ZRSR2: variants seen among roughly 807,000 people sequenced by gnomAD.
The protein encoded by ZRSR2 is U2 small nuclear ribonucleoprotein auxiliary factor 35 kDa subunit-related protein 2.
A neutral mutation model predicts 39.4 loss-of-function variants in ZRSR2; 3 were observed. The ratio of observed to expected loss-of-function variants is 0.08; its 90% CI spans 0.03 to 0.20. ZRSR2 has a LOEUF of 0.20. Among genes scored for constraint, ZRSR2 ranks in the 10% least tolerant of loss-of-function variants. The pLI is 1.00. For missense variants in ZRSR2, 256 were observed against 391.5 expected (o/e 0.65, Z 2.92); for synonymous variants, 137 against 136.0 (o/e 1.01, Z -0.05).
rs758004911 is a variant in ZRSR2 at position 15,822,344 on chromosome X, G to A, written c.938-387G>A. ...CCTGTTTCCTCCATGCCATCAAACC[G>A]TGCTACCACAGGGACCCAAAGAGCT... On this transcript the variant is annotated intron_variant, in intron 10 of 10. Transcript: ENST00000307771. 6.4e-5 allele frequency among the ~76,000 whole-genome samples: 7 copies of A among 110,154 alleles called. No homozygotes were observed. The South Asian group carries it at 2.3e-3, about 36-fold the overall frequency.
chrX:15,802,533 C>T (rs1373582119), intron 3 of ZRSR2, among the ~76,000 whole-genome samples: 1 of 112,395 alleles, frequency 8.9e-6, no homozygotes, highest in African/African-American at 3.2e-5. Context: ...GATCTCGGCT[C>T]ATTGCAAACT....
rs1932747688 is a variant in ZRSR2 at position 15,803,813 on chromosome X, G to GT, written c.312+18dup. 8.5e-7 allele frequency: 1 copy of GT among 1,174,828 alleles called. No homozygotes were observed. The highest frequency in any genetic ancestry group is 1.8e-5 in the African/African-American group (1 of 55,579). ...GAACAAGAGGTATGGTAGGAATCACGTAACTAGTGAACAAACTGATTACTT... is the reference window on the plus strand; with the variant it reads ...GAACAAGAGGTATGGTAGGAATCACGTTAACTAGTGAACAAACTGATTACTT... On this transcript the variant is annotated intron_variant, in intron 4 of 10. Transcript: ENST00000307771.
At chrX:15,801,453 G>A (rs747420495) in intron 3 of ZRSR2, 98 of 266,742 alleles carry the variant, frequency 3.7e-4, no homozygotes, top group African/African-American at 2.7e-3. Flanking sequence ...GGATGGTCTC[G>A]ATCTCTTGAC....
intron 7 of ZRSR2, among the ~76,000 whole-genome samples, chrX:15,812,150 C>T (rs1317124962): frequency 9.0e-6 from 1 of 110,791 alleles, no homozygotes; most frequent in East Asian, 2.8e-4. Flanking sequence ...AGGATGGTCT[C>T]GATCTCCTGA....
chrX:15,797,568 G>A (rs1288717697), intron 2 of ZRSR2, among the ~76,000 whole-genome samples: 2 of 111,364 alleles, frequency 1.8e-5, no homozygotes, highest in African/African-American at 3.3e-5. Context: ...AAATAGACTA[G>A]TATGTACATA....
rs371747311 is a variant in ZRSR2 at position 15,808,251 on chromosome X, C to T, written c.418C>T (p.Leu140=). Residue 140 remains leucine, a synonymous_variant, in exon 6 of 11, where the codon CTG becomes TTG. Transcript: ENST00000307771. ...ATTTTAGGAAGCTTTGCAGAAGATG[C>T]TGGATCAGGCTGAAAATGAGGTATT... ...KEKEEALQKM[L]DQAENELENG... is the part of the protein sequence containing the mutation. 4.2e-5 allele frequency: 50 copies of T among 1,203,220 alleles called. No individual in the cohort carries two copies. Among genetic ancestry groups the T allele is most frequent in the South Asian group, 1.6e-4 (9 of 55,506 alleles).
At position 15,823,021 on chromosome X, in the gene ZRSR2, C is replaced by A. The variant is rs1214820049; in HGVS notation, c.1228C>A (p.Arg410Ser). The change falls in exon 11 of 11, where the codon CGC becomes AGC. Residue 410 changes from arginine to serine, a missense_variant. Physicochemically the swap from Arg to Ser is moderately radical, Grantham distance 110. This residue lies in a region of ZRSR2 where 111 missense variants were observed against 116.7 expected (regional missense o/e 0.95). Coordinates refer to ENST00000307771, the MANE Select transcript of ZRSR2 (RefSeq NM_005089.4). ...TCACAGGGGGAAGAAATCTCACAAA[C>A]GCACATCAAAGAGTCGGGAGAGGCA... ...SRHRGKKSHK[R>S]TSKSRERHNS... The A allele has an allele frequency of 1.7e-6, 2 of 1,210,566 alleles. No homozygotes were observed. The highest frequency in any genetic ancestry group is 3.5e-5 in the African/African-American group (2 of 57,304).
At chrX:15,811,698 T>G (rs1339377048) in intron 7 of ZRSR2, among the ~76,000 whole-genome samples, 1 of 111,573 alleles carries the variant, frequency 9.0e-6, no homozygotes, top group African/African-American at 3.3e-5. Context: ...AGTGCTGGGA[T>G]TACAGGCATG....
chrX:15,822,419 G>A (rs1464674859), intron 10 of ZRSR2, among the ~76,000 whole-genome samples: 1 of 112,379 alleles, frequency 8.9e-6, no homozygotes, highest in Non-Finnish European at 1.9e-5. Context: ...GTGGGAAGGT[G>A]AAACCTGGAG....
intron 2 of ZRSR2, among the ~76,000 whole-genome samples, chrX:15,798,192 T>C (rs1421547525): frequency 8.9e-6 from 1 of 112,580 alleles, no homozygotes; most frequent in Non-Finnish European, 1.9e-5. Flanking sequence ...ACTCAACACA[T>C]GTGACAAACA....
At chrX:15,806,980 G>A (rs1256011970) in intron 5 of ZRSR2, among the ~76,000 whole-genome samples, 1 of 111,906 alleles carries the variant, frequency 8.9e-6, no homozygotes, top group Admixed American at 9.5e-5. Flanking sequence ...GCATTCAGGT[G>A]GATGTGGGCC....
chrX:15,814,497 C>T (rs930707193), intron 7 of ZRSR2, among the ~76,000 whole-genome samples: 4 of 111,688 alleles, frequency 3.6e-5, no homozygotes, highest in African/African-American at 9.8e-5. Context: ...TGGTGGCATA[C>T]GCCTATGGCA....
At chrX:15,820,707 TTTC>T (rs1421815475) in intron 10 of ZRSR2, among the ~76,000 whole-genome samples, 2 of 112,373 alleles carry the variant, frequency 1.8e-5, no homozygotes, top group Admixed American at 1.9e-4. Flanking sequence ...TGTTTGTTTG[TTTC>T]TTTCTTTCCA....
intron 8 of ZRSR2, among the ~76,000 whole-genome samples, chrX:15,818,038 A>C (rs1248398580): frequency 1.8e-5 from 2 of 112,525 alleles, no homozygotes; most frequent in African/African-American, 6.5e-5. Context: ...ATTTATATGT[A>C]TGATACATAT....
chrX:15,797,208 C>CTTT (rs150083525), intron 2 of ZRSR2, among the ~76,000 whole-genome samples: 5 of 95,712 alleles, frequency 5.2e-5, no homozygotes, highest in East Asian at 6.4e-4. Context: ...TCTGCATTAA[C>CTTT]TTTTTTTTTT....
chrX:15,808,392 T>C, intron 6 of ZRSR2, 121 bp downstream of exon 6: 1 of 609,159 alleles, frequency 1.6e-6, no homozygotes, highest in Non-Finnish European at 2.6e-6. Context: ...TCTGGACTCA[T>C]GTTTATGATG....
chrX:15,806,813 G>A (rs758978365), intron 5 of ZRSR2, among the ~76,000 whole-genome samples: 12 of 111,015 alleles, frequency 1.1e-4, no homozygotes, highest in Non-Finnish European at 1.5e-4. Flanking sequence ...GACTACAGGC[G>A]CCCATCACCA....
chrX:15,808,737 C>T (rs1454917288), intron 6 of ZRSR2, among the ~76,000 whole-genome samples: 4 of 108,831 alleles, frequency 3.7e-5, no homozygotes, highest in Admixed American at 3.0e-4. Flanking sequence ...CTCTCCTGCC[C>T]CAGCCTCCCA....
intron 2 of ZRSR2, 34 bp downstream of exon 2, chrX:15,791,047 G>C (rs753938627): frequency 8.7e-7 from 1 of 1,148,823 alleles, no homozygotes; most frequent in Non-Finnish European, 1.2e-6. Flanking sequence ...TCTGTGTTGT[G>C]AAATTGCTCT....
Sources: allele counts gnomAD v4.1 joint callset (sites outside exome capture counted in the v4.1 genomes callset), GRCh38; gene constraint gnomAD v4.1.1; regional missense constraint gnomAD v4.1.1; transcripts MANE v1.5; gene names NCBI Gene and HGNC (gene_info 2026-07-23, HGNC 2026-07-21).